The following IFT81 variants were observed in gnomAD, a reference collection of about 807,000 sequenced individuals.
IFT81 encodes intraflagellar transport 81.
In IFT81, 72 loss-of-function variants were observed where a neutral mutation model predicts 102.6. That is an observed-to-expected ratio of 0.70 (90% CI 0.58 to 0.85). The LOEUF (loss-of-function observed/expected upper bound fraction) is 0.85, where lower values mean the gene tolerates loss of function less well. IFT81 is among the 40% of genes least tolerant of loss of function. IFT81 has a pLI of 0.00. For missense variants in IFT81, 723 were observed against 787.3 expected (o/e 0.92, Z 0.98); for synonymous variants, 237 against 242.7 (o/e 0.98, Z 0.22).
intron 8 of IFT81, among the ~76,000 whole-genome samples, chr12:110,142,879 G>A (rs993542746): frequency 6.6e-6 from 1 of 151,868 alleles, no homozygotes; most frequent in Non-Finnish European, 1.5e-5. Context: ...CTCTAGCCTG[G>A]GTGACAGAGC....
At chr12:110,163,092 G>A in intron 11 of IFT81, 27 bp downstream of exon 11, 1 of 1,592,774 alleles carries the variant, frequency 6.3e-7, no homozygotes, top group Non-Finnish European at 8.6e-7. Flanking sequence ...CATGGGACAA[G>A]GGTATGAGTA....
chr12:110,179,769 TATATAC>T (rs1176876824), intron 11 of IFT81, among the ~76,000 whole-genome samples: 27 of 65,332 alleles, frequency 4.1e-4, no homozygotes, highest in Middle Eastern at 8.3e-3. Flanking sequence ...TATATATATA[TATATAC>T]ACACACACAC....
intron 18 of IFT81, among the ~76,000 whole-genome samples, chr12:110,217,350 A>G (rs2137625487): frequency 6.6e-6 from 1 of 151,862 alleles, no homozygotes; most frequent in Admixed American, 6.6e-5. Flanking sequence ...TGGTCTATTA[A>G]CCTTAATTGA....
chr12:110,147,459 A>C (rs1471614544), intron 10 of IFT81, among the ~76,000 whole-genome samples: 1 of 152,196 alleles, frequency 6.6e-6, no homozygotes, highest in Non-Finnish European at 1.5e-5. Context: ...TTAGTGCTAA[A>C]GCATTTATTA....
chr12:110,201,291 A>G (rs1898255546), intron 14 of IFT81, among the ~76,000 whole-genome samples: 1 of 151,652 alleles, frequency 6.6e-6, no homozygotes, highest in African/African-American at 2.4e-5. Flanking sequence ...AGTCCCAGCT[A>G]CTTGGGAAGC....
intron 12 of IFT81, among the ~76,000 whole-genome samples, chr12:110,182,074 C>T (rs1169459243): frequency 6.6e-6 from 1 of 152,198 alleles, no homozygotes; most frequent in Non-Finnish European, 1.5e-5. Context: ...TTAGGTGAGA[C>T]ACCTCCCATT....
chr12:110,208,518 A>G (rs1868985114), intron 17 of IFT81, among the ~76,000 whole-genome samples: 1 of 152,200 alleles, frequency 6.6e-6, no homozygotes, highest in Admixed American at 6.6e-5. Context: ...AGGAAAAAAA[A>G]AAGATTAAAC....
At chr12:110,139,847 TAAATAAAATA>T (rs752620264) in intron 8 of IFT81, among the ~76,000 whole-genome samples, 2 of 118,872 alleles carry the variant, frequency 1.7e-5, no homozygotes, top group Non-Finnish European at 3.3e-5. Flanking sequence ...TAAAATAAAA[TAAATAAAATA>T]AAATAAAATA....
chr12:110,139,818 T>TAAATA (rs749031924), intron 8 of IFT81, among the ~76,000 whole-genome samples: 11,284 of 105,352 alleles, frequency 0.11, 602 homozygotes, highest in Middle Eastern at 0.14. Context: ...TAAAATAAAA[T>TAAATA]AAATAAAATA....
chr12:110,152,691 C>T (rs1045469016), intron 10 of IFT81, among the ~76,000 whole-genome samples: 20 of 151,984 alleles, frequency 1.3e-4, no homozygotes, highest in African/African-American at 4.6e-4. Context: ...CAGCCTTGAA[C>T]TCCTGGGCCC....
intron 14 of IFT81, among the ~76,000 whole-genome samples, chr12:110,202,995 G>A (rs1287605244): frequency 6.6e-6 from 1 of 152,152 alleles, no homozygotes. Flanking sequence ...GCTGGGTGCG[G>A]TGGCTCACGC....
At position 110,136,782 on chromosome 12, in the gene IFT81, C is replaced by A; in HGVS notation, c.703C>A (p.His235Asn). 6.2e-7 allele frequency: 1 copy of A among 1,602,548 alleles called. No homozygotes were observed. The highest frequency in any genetic ancestry group is 8.5e-7 in the Non-Finnish European group (1 of 1,171,224). ...QKQEQKNQLF[H>N]AVQRLQRVQN... is the part of the protein sequence containing the mutation. ...ATTTAATTGTATTTTAAAGCTATTT[C>A]ATGCAGTGCAAAGATTGCAAAGAGT... The change falls in exon 8 of 19, where the codon CAT becomes AAT. Residue 235 changes from histidine to asparagine, a missense_variant. By Grantham distance (68) the His-to-Asn change is moderately conservative (BLOSUM62 1). Transcript: ENST00000242591.
intron 18 of IFT81, 119 bp downstream of exon 18, chr12:110,209,335 T>G (rs946421353): frequency 2.8e-5 from 12 of 430,156 alleles, no homozygotes; most frequent in Non-Finnish European, 4.6e-5. Context: ...GAGGGGAAAT[T>G]GTTCATTCAT....
intron 17 of IFT81, among the ~76,000 whole-genome samples, chr12:110,208,235 G>C (rs1237933698): frequency 6.6e-6 from 1 of 152,110 alleles, no homozygotes; most frequent in Non-Finnish European, 1.5e-5. Context: ...TGGGTGTAGT[G>C]GCTCACACCT....
chr12:110,153,697 G>A (rs1354558071), intron 10 of IFT81, among the ~76,000 whole-genome samples: 2 of 148,942 alleles, frequency 1.3e-5, no homozygotes, highest in Non-Finnish European at 3.0e-5. Context: ...CGCAACCTCC[G>A]CCTCTCAGGT....
chr12:110,202,741 C>G (rs1898357921), intron 14 of IFT81, among the ~76,000 whole-genome samples: 1 of 152,158 alleles, frequency 6.6e-6, no homozygotes, highest in Non-Finnish European at 1.5e-5. Flanking sequence ...CGTGAGCCAC[C>G]ATGCCCAGCA....
rs746738220 is a variant in IFT81, at chr12:110,218,240, C to T, written c.*14C>T. 11 of 1,501,432 alleles carry T rather than the reference C, an allele frequency of 7.3e-6. No individual in the cohort carries two copies. Among genetic ancestry groups the T allele is most frequent in the African/African-American group, 5.7e-5 (4 of 69,778 alleles). The allele number at this position is 1,501,432 out of a possible 1,614,324, so 93.0% of individuals were successfully genotyped here. A position where few individuals can be genotyped will look rare whatever the true frequency, so the allele number is the denominator to read the frequency against. On this transcript the variant is annotated 3_prime_UTR_variant, in exon 19 of 19. Coordinates refer to ENST00000242591, the MANE Select transcript of IFT81 (RefSeq NM_014055.4). ...CTAATACTGTGAATTCTTGTGTCAT[C>T]GTTTGGGGTTTTACTTGATACCACT... is the stretch of plus-strand genomic sequence containing the variant.
chr12:110,170,964 A>G (rs1235822414), intron 11 of IFT81, among the ~76,000 whole-genome samples: 1 of 152,238 alleles, frequency 6.6e-6, no homozygotes, highest in Non-Finnish European at 1.5e-5. Context: ...AATCCTGGCA[A>G]GATGTGCTGC....
intron 10 of IFT81, among the ~76,000 whole-genome samples, chr12:110,155,910 A>G (rs542636612): frequency 2.0e-5 from 3 of 152,294 alleles, no homozygotes; most frequent in Admixed American, 2.0e-4. Flanking sequence ...ATTTGAATTT[A>G]TACAAGTTTA....
Sources: allele counts gnomAD v4.1 joint callset (sites outside exome capture counted in the v4.1 genomes callset), GRCh38; gene constraint gnomAD v4.1.1; transcripts MANE v1.5; gene names NCBI Gene and HGNC (gene_info 2026-07-23, HGNC 2026-07-21).